PTPRN2: variants seen among roughly 807,000 people sequenced by gnomAD.
PTPRN2 encodes the protein receptor-type tyrosine-protein phosphatase N2.
PTPRN2 carries 74 observed loss-of-function variants against 118.8 expected under a neutral mutation model. The observed-to-expected ratio is 0.62, with a 90% CI of 0.52 to 0.76. The LOEUF (loss-of-function observed/expected upper bound fraction) is 0.76. PTPRN2 is among the 30% of genes least tolerant of loss of function. PTPRN2 has a pLI of 0.00. For synonymous variants in PTPRN2, 641 were observed against 608.0 expected, an observed-to-expected ratio of 1.05 and a Z score of -0.80; for missense variants, 1,481 against 1,394.4, an observed-to-expected ratio of 1.06 and a Z score of -0.99.
intron 12 of PTPRN2, among the ~76,000 whole-genome samples, chr7:157,699,765 T>C (rs754866290): frequency 2.6e-5 from 4 of 152,182 alleles, no homozygotes; most frequent in Non-Finnish European, 4.4e-5. Context: ...CGGAGCAGGT[T>C]CAGGGTAAGC....
intron 2 of PTPRN2, among the ~76,000 whole-genome samples, chr7:158,370,786 G>A (rs534570085): frequency 6.6e-6 from 1 of 152,180 alleles, no homozygotes; most frequent in African/African-American, 2.4e-5. Flanking sequence ...AATCAATAAA[G>A]GCTGGGAGAA....
chr7:157,776,531 T>C (rs200451995), intron 12 of PTPRN2, among the ~76,000 whole-genome samples: 52 of 3,266 alleles, frequency 0.016, no homozygotes, highest in African/African-American at 0.018. Flanking sequence ...CCCTCTCCTC[T>C]CTCTCCTTCT....
chr7:158,057,227 C>T (rs1203219116), intron 11 of PTPRN2, among the ~76,000 whole-genome samples: 1 of 152,200 alleles, frequency 6.6e-6, no homozygotes, highest in Non-Finnish European at 1.5e-5. Context: ...TGACACCTGC[C>T]CAGCACATCT....
intron 11 of PTPRN2, among the ~76,000 whole-genome samples, chr7:158,049,719 G>A (rs1809182166): frequency 6.6e-6 from 1 of 152,150 alleles, no homozygotes. Flanking sequence ...TGGCCAACAT[G>A]GTGAAATCCT....
chr7:158,200,313 T>C (rs1316577356), intron 4 of PTPRN2, among the ~76,000 whole-genome samples: 1 of 152,106 alleles, frequency 6.6e-6, no homozygotes, highest in African/African-American at 2.4e-5. Context: ...ACAACAAGCA[T>C]TAAGGGAGAT....
intron 2 of PTPRN2, among the ~76,000 whole-genome samples, chr7:158,475,060 C>T (rs1348452854): frequency 6.6e-6 from 1 of 152,152 alleles, no homozygotes; most frequent in African/African-American, 2.4e-5. Context: ...TCATAAGAAC[C>T]CCGGCTGCAG....
chr7:158,500,163 T>G (rs1014642091), intron 1 of PTPRN2, among the ~76,000 whole-genome samples: 1 of 152,110 alleles, frequency 6.6e-6, no homozygotes, highest in African/African-American at 2.4e-5. Flanking sequence ...GAGAGGAATC[T>G]GCACTTACAA....
At chr7:158,533,151 T>C (rs1825380072) in intron 1 of PTPRN2, among the ~76,000 whole-genome samples, 1 of 152,348 alleles carries the variant, frequency 6.6e-6, no homozygotes, top group East Asian at 1.9e-4. Flanking sequence ...CCTAGTTTTG[T>C]TACTTGCAGA....
intron 2 of PTPRN2, among the ~76,000 whole-genome samples, chr7:158,404,008 C>T (rs1472978622): frequency 6.6e-6 from 1 of 152,186 alleles, no homozygotes; most frequent in African/African-American, 2.4e-5. Flanking sequence ...TCCATTAGGA[C>T]AGACACAAAA....
At chr7:158,541,607 C>T in intron 1 of PTPRN2, 1 of 1,351,018 alleles carries the variant, frequency 7.4e-7, no homozygotes, top group Non-Finnish European at 9.8e-7. Context: ...CCACAGCCAT[C>T]TGGCTGTCAT....
chr7:157,562,186 G>A (rs1799226639), intron 21 of PTPRN2, among the ~76,000 whole-genome samples: 1 of 152,208 alleles, frequency 6.6e-6, no homozygotes, highest in African/African-American at 2.4e-5. Flanking sequence ...CAGGGCTCTG[G>A]GGACAGCTCC....
chr7:158,419,527 G>A (rs922746336), intron 2 of PTPRN2, among the ~76,000 whole-genome samples: 1 of 152,188 alleles, frequency 6.6e-6, no homozygotes, highest in African/African-American at 2.4e-5. Context: ...CACATGGGAA[G>A]GCAGCAGAGT....
At position 157,867,861 on chromosome 7, in the gene PTPRN2, C is replaced by T. The variant is rs1247145903; in HGVS notation, c.1788+30812G>A. 2.0e-5 allele frequency among the ~76,000 whole-genome samples: 3 copies of T among 152,180 alleles called. No homozygotes were observed. The East Asian group carries it at 5.8e-4, about 29-fold the overall frequency. ...GTCCCTAGACTGCTCAGATCCAATC[C>T]ACAGTCCGTGAGCAAAGGGCCGCAG... is the stretch of plus-strand genomic sequence containing the variant. On this transcript the variant is annotated intron_variant, in intron 12 of 22. Coordinates refer to ENST00000389418, the MANE Select transcript of PTPRN2 (RefSeq NM_002847.5).
chr7:157,952,090 C>T (rs1585075772), intron 11 of PTPRN2, among the ~76,000 whole-genome samples: 1 of 152,350 alleles, frequency 6.6e-6, no homozygotes, highest in African/African-American at 2.4e-5. Flanking sequence ...TTTCTGCACA[C>T]CCTGCGGGGA....
At chr7:158,221,734 A>T (rs370039326) in intron 3 of PTPRN2, among the ~76,000 whole-genome samples, 1 of 152,200 alleles carries the variant, frequency 6.6e-6, no homozygotes, top group African/African-American at 2.4e-5. Context: ...TGAGTCAATT[A>T]TCTCCTACCA....
intron 6 of PTPRN2, among the ~76,000 whole-genome samples, chr7:158,146,240 T>G (rs370014928): frequency 6.6e-6 from 1 of 152,154 alleles, no homozygotes; most frequent in African/African-American, 2.4e-5. Context: ...TTCAAGATTA[T>G]GCATTTTGAA....
intron 12 of PTPRN2, among the ~76,000 whole-genome samples, chr7:157,819,597 C>T (rs1002467005): frequency 6.6e-6 from 1 of 151,386 alleles, no homozygotes; most frequent in African/African-American, 2.4e-5. Context: ...ACAGCCCTCC[C>T]GCCACAAGGG....
chr7:157,548,884 G>A, intron 22 of PTPRN2, 62 bp downstream of exon 22: 1 of 1,504,964 alleles, frequency 6.6e-7, no homozygotes, highest in South Asian at 1.1e-5. Flanking sequence ...CTCCTCTCAG[G>A]AACACGGCCG....
intron 2 of PTPRN2, among the ~76,000 whole-genome samples, chr7:158,336,868 C>G (rs1384913176): frequency 1.9e-5 from 2 of 103,074 alleles, no homozygotes; most frequent in African/African-American, 6.6e-5. Context: ...TAAGAGCTGT[C>G]GCCCGCACAG....
Sources: gnomAD v4.1 joint callset for allele counts (sites outside exome capture counted in the v4.1 genomes callset) on GRCh38, gnomAD v4.1.1 for gene constraint, MANE v1.5 for transcripts, NCBI Gene and HGNC (gene_info 2026-07-23, HGNC 2026-07-21) for gene names.